Variants in GAS2 observed in about 807,000 individuals in gnomAD.
The protein encoded by GAS2 is growth arrest specific 2.
A neutral mutation model predicts 37.5 loss-of-function variants in GAS2; 20 were observed. That is an observed-to-expected ratio of 0.53 (90% confidence interval 0.37 to 0.77). The LOEUF is 0.77. Ranked by LOEUF, GAS2 falls within the 30% of genes least tolerant of loss-of-function variation. The pLI, the probability that GAS2 is intolerant of heterozygous loss-of-function variation, is 0.00. For synonymous variants in GAS2, 144 were observed against 132.2 expected (o/e 1.09, Z -0.61); for missense variants, 336 against 373.4 (o/e 0.90, Z 0.82).
At chr11:22,761,195 G>C (rs1049436481) in intron 7 of GAS2, among the ~76,000 whole-genome samples, 6 of 151,956 alleles carry the variant, frequency 3.9e-5, no homozygotes, top group Admixed American at 6.6e-5. Flanking sequence ...AGTGATCTAC[G>C]TACTCAGTTT....
intron 4 of GAS2, among the ~76,000 whole-genome samples, chr11:22,726,931 T>C (rs990872678): frequency 6.6e-6 from 1 of 152,068 alleles, no homozygotes; most frequent in Non-Finnish European, 1.5e-5. Flanking sequence ...GAGTTAAAAA[T>C]CAGGCAAGAT....
At chr11:22,689,039 G>C (rs1180696615) in intron 3 of GAS2, among the ~76,000 whole-genome samples, 1 of 152,126 alleles carries the variant, frequency 6.6e-6, no homozygotes, top group Non-Finnish European at 1.5e-5. Context: ...TGCAGGAACA[G>C]AACCAAATGG....
At chr11:22,638,004 C>T (rs1858860320) in intron 1 of GAS2, among the ~76,000 whole-genome samples, 1 of 151,878 alleles carries the variant, frequency 6.6e-6, no homozygotes, top group Admixed American at 6.6e-5. Flanking sequence ...CTGTTGCTTT[C>T]ATCTAAATGC....
intron 7 of GAS2, among the ~76,000 whole-genome samples, chr11:22,789,262 G>A (rs1432544958): frequency 2.9e-5 from 4 of 137,630 alleles, no homozygotes; most frequent in African/African-American, 8.1e-5. Context: ...CAATTTCCTG[G>A]GGCAGTATGC....
upstream of GAS2, among the ~76,000 whole-genome samples, chr11:22,665,128 C>A (rs1246182238): frequency 1.3e-5 from 2 of 152,184 alleles, no homozygotes; most frequent in Non-Finnish European, 2.9e-5. Flanking sequence ...GTTCCTGAAT[C>A]AACAAAAACA....
intron 7 of GAS2, among the ~76,000 whole-genome samples, chr11:22,778,824 G>A (rs1458499582): frequency 6.6e-6 from 1 of 152,138 alleles, no homozygotes; most frequent in Non-Finnish European, 1.5e-5. Flanking sequence ...GTGTGCATTT[G>A]TTCTGTGAAA....
intron 1 of GAS2, among the ~76,000 whole-genome samples, chr11:22,646,846 T>A (rs942568687): frequency 7.2e-5 from 11 of 152,022 alleles, no homozygotes; most frequent in Non-Finnish European, 1.5e-4. Flanking sequence ...CTTCCTTCTT[T>A]CTTTTCTTCT....
intron 7 of GAS2, among the ~76,000 whole-genome samples, chr11:22,773,955 C>G (rs1855120952): frequency 6.6e-6 from 1 of 152,106 alleles, no homozygotes; most frequent in African/African-American, 2.4e-5. Context: ...CTAGACATTC[C>G]CAGTTAAATA....
chr11:22,716,187 TA>T (rs1231201322), intron 3 of GAS2, among the ~76,000 whole-genome samples: 2 of 152,186 alleles, frequency 1.3e-5, no homozygotes, highest in Non-Finnish European at 2.9e-5. Context: ...AGAAGGGACA[TA>T]CCTTAAGTTA....
In GAS2 at chr11:22,781,083, A is replaced by G. The variant is rs186810336; in HGVS notation, c.723+25130A>G. On this transcript the variant is annotated intron_variant, in intron 7 of 7. Coordinates refer to ENST00000454584, the MANE Select transcript of GAS2 (RefSeq NM_001143830.3). ...GAGAACCTGAGAAAAAAAGCAGATC[A>G]GAGTAGAGGCAGACAATTTGCTTAA... 7.2e-4 allele frequency among the ~76,000 whole-genome samples: 110 copies of G among 152,338 alleles called. 1 individual carries two copies. In the East Asian group the frequency reaches 0.017, roughly 24 times the overall value.
intron 1 of GAS2, among the ~76,000 whole-genome samples, chr11:22,641,498 C>T (rs535380307): frequency 6.6e-6 from 1 of 150,952 alleles, no homozygotes; most frequent in Admixed American, 6.7e-5. Flanking sequence ...CCCTCCCCCC[C>T]ACACACCCCA....
intron 5 of GAS2, among the ~76,000 whole-genome samples, chr11:22,744,407 C>T (rs1487633006): frequency 6.6e-6 from 1 of 152,088 alleles, no homozygotes; most frequent in Non-Finnish European, 1.5e-5. Context: ...TAACAAAATA[C>T]TAGCAAACTG....
intron 1 of GAS2, among the ~76,000 whole-genome samples, chr11:22,670,475 C>T (rs1282805506): frequency 6.6e-6 from 1 of 152,076 alleles, no homozygotes; most frequent in Admixed American, 6.5e-5. Context: ...TATTTGTTCT[C>T]CCCGTTGTCC....
chr11:22,796,330 G>A (rs74437383), intron 7 of GAS2, among the ~76,000 whole-genome samples: 1 of 152,170 alleles, frequency 6.6e-6, no homozygotes, highest in African/African-American at 2.4e-5. Context: ...GGCATTGTTT[G>A]GCTTGCTTCT....
At chr11:22,804,478 T>C (rs953384342) in intron 7 of GAS2, among the ~76,000 whole-genome samples, 1 of 152,142 alleles carries the variant, frequency 6.6e-6, no homozygotes, top group African/African-American at 2.4e-5. Flanking sequence ...TCTGGCTTCC[T>C]TTCTCTGTGC....
At chr11:22,633,693 G>T (rs1304352443) in intron 1 of GAS2, among the ~76,000 whole-genome samples, 1 of 152,104 alleles carries the variant, frequency 6.6e-6, no homozygotes, top group East Asian at 1.9e-4. Flanking sequence ...GGTCTTTTCA[G>T]GGTGAAGGGA....
intron 7 of GAS2, among the ~76,000 whole-genome samples, chr11:22,782,890 T>G (rs1220160714): frequency 6.6e-6 from 1 of 151,760 alleles, no homozygotes; most frequent in Non-Finnish European, 1.5e-5. Flanking sequence ...CTCTTGTGAA[T>G]AGTGCTGCAA....
At chr11:22,724,671 A>G (rs926434368) in intron 3 of GAS2, among the ~76,000 whole-genome samples, 2 of 152,088 alleles carry the variant, frequency 1.3e-5, no homozygotes, top group South Asian at 4.1e-4. Context: ...TATGGTTTAT[A>G]TAGCTATAGT....
intron 7 of GAS2, among the ~76,000 whole-genome samples, chr11:22,805,272 G>A (rs1280394082): frequency 6.6e-6 from 1 of 152,066 alleles, no homozygotes; most frequent in African/African-American, 2.4e-5. Context: ...TATTCATCAT[G>A]TATAACGTAA....
Sources: gnomAD v4.1 joint callset for allele counts (sites outside exome capture counted in the v4.1 genomes callset) on GRCh38, gnomAD v4.1.1 for gene constraint, MANE v1.5 for transcripts, NCBI Gene and HGNC (gene_info 2026-07-23, HGNC 2026-07-21) for gene names.